The following EDNRB variants were observed in gnomAD, a reference collection of about 807,000 sequenced individuals.
EDNRB encodes endothelin receptor type B, also known as Hirschsprung disease 2.
EDNRB carries 18 observed loss-of-function variants against 46.4 expected under a neutral mutation model. That is an observed-to-expected ratio of 0.39 (90% confidence interval 0.27 to 0.57). The LOEUF (loss-of-function observed/expected upper bound fraction) is 0.57, where lower values mean the gene tolerates loss of function less well. EDNRB is among the 20% of genes least tolerant of loss of function. The pLI is 0.61. For missense variants in EDNRB, 434 were observed against 537.5 expected (o/e 0.81, Z 1.90); for synonymous variants, 213 against 204.9 (o/e 1.04, Z -0.34).
chr13:77,939,595 A>G (rs938372889), intron 1 of EDNRB: 2 of 152,238 alleles, frequency 1.3e-5, no homozygotes, highest in African/African-American at 4.8e-5. Flanking sequence ...CTTGCAAATT[A>G]AATGAGATAA....
At chr13:77,936,083 C>G (rs530217243) in intron 1 of EDNRB, among the ~76,000 whole-genome samples, 1 of 151,904 alleles carries the variant, frequency 6.6e-6, no homozygotes, top group Non-Finnish European at 1.5e-5. Flanking sequence ...TGGCATTGAG[C>G]GGGATAAGAG....
chr13:77,929,624 G>T (rs1439988931), intron 1 of EDNRB, among the ~76,000 whole-genome samples: 1 of 152,076 alleles, frequency 6.6e-6, no homozygotes, highest in Non-Finnish European at 1.5e-5. Flanking sequence ...GTACAAGGCG[G>T]GTGACTATTC....
intron 3 of EDNRB, 81 bp downstream of exon 3, chr13:77,903,075 C>T (rs1192235696): frequency 1.2e-5 from 17 of 1,452,268 alleles, no homozygotes; most frequent in Non-Finnish European, 1.4e-5. Flanking sequence ...AACAGTTTCC[C>T]AAGGAGTGGG....
At chr13:77,925,027 G>T (rs1180212195) in intron 1 of EDNRB, among the ~76,000 whole-genome samples, 1 of 152,144 alleles carries the variant, frequency 6.6e-6, no homozygotes, top group Non-Finnish European at 1.5e-5. Flanking sequence ...CCTGAAAACG[G>T]ACTAACACAA....
At chr13:77,933,710 T>C (rs1017508819) in intron 1 of EDNRB, among the ~76,000 whole-genome samples, 3 of 151,936 alleles carry the variant, frequency 2.0e-5, no homozygotes, top group African/African-American at 7.3e-5. Context: ...TTTTGGGAGA[T>C]GGTATGGAGA....
intron 1 of EDNRB, among the ~76,000 whole-genome samples, chr13:77,964,139 G>A (rs899157949): frequency 6.6e-6 from 1 of 152,202 alleles, no homozygotes; most frequent in Admixed American, 6.5e-5. Flanking sequence ...TGGAGAGGAT[G>A]TGGAGAAATA....
At position 77,903,197 on chromosome 13, in the gene EDNRB, T is replaced by G. The variant is rs750477425; in HGVS notation, c.760A>C (p.Ile254Leu). 2 of 1,612,866 alleles carry G rather than the reference T, an allele frequency of 1.2e-6. No individual in the cohort carries two copies. Among genetic ancestry groups the G allele is most frequent in the Non-Finnish European group, 1.7e-6 (2 of 1,179,252 alleles). The change falls in exon 3 of 7, where the codon ATC becomes CTC. Residue 254 changes from isoleucine (I) to leucine (L), a missense_variant. Physicochemically the swap from Ile to Leu is conservative, Grantham distance 5. Transcript: ENST00000646607. Reference protein sequence around the residue: ...TMDYKGSYLRICLLHPVQKTA... With the variant: ...TMDYKGSYLRLCLLHPVQKTA... ...TTCTGAACGGGATGAAGCAAGCAGATTCGCAGATAACTTCCTTTGTAGTCC... is the reference window on the plus strand; with the variant it reads ...TTCTGAACGGGATGAAGCAAGCAGAGTCGCAGATAACTTCCTTTGTAGTCC...
chr13:77,916,019 T>C (rs1879791038), intron 1 of EDNRB, among the ~76,000 whole-genome samples: 1 of 152,214 alleles, frequency 6.6e-6, no homozygotes, highest in Non-Finnish European at 1.5e-5. Flanking sequence ...AAGATGGTTC[T>C]GGAAGAGCTG....
rs34484665 is a variant in EDNRB at position 77,971,583 on chromosome 13, GTT to G, written c.-52+3762_-52+3763del. On this transcript the variant is annotated intron_variant, in intron 1 of 7. Transcript: ENST00000646948. The stretch of plus-strand genomic sequence containing the variant: ...AGCTCCAGGGCTGGGGCCAACATGA[GTT>G]TTTTTTTTTTTTTTTTAACTCATGG... Among the ~76,000 whole-genome samples the G allele has an allele frequency of 6.9e-3, 945 of 137,366 alleles. 1 individual carries two copies. The highest frequency in any genetic ancestry group is 0.013 in the African/African-American group (484 of 38,066). 90.1% of individuals were successfully genotyped at this position (137,366 alleles called of 152,430 possible).
intron 1 of EDNRB, among the ~76,000 whole-genome samples, chr13:77,968,940 C>A (rs79626288): frequency 0.063 from 9,658 of 152,192 alleles, 429 homozygotes; most frequent in South Asian, 0.12. Flanking sequence ...GACTAACTTT[C>A]GTCACCCTTC....
At chr13:77,922,763 T>G (rs1000993665), upstream of EDNRB, among the ~76,000 whole-genome samples, 1 of 152,200 alleles carries the variant, frequency 6.6e-6, no homozygotes, top group Non-Finnish European at 1.5e-5. Context: ...TACAGTGAAA[T>G]GGACAGGGCT....
chr13:77,898,458 C>T, intron 6 of EDNRB, 124 bp from the exon 7 acceptor site: 1 of 1,344,110 alleles, frequency 7.4e-7, no homozygotes, highest in Non-Finnish European at 1.0e-6. Context: ...TTTCAGTGCT[C>T]TTTTATTTTC....
chr13:77,947,856 T>C (rs1267039835), intron 1 of EDNRB: 1 of 150,224 alleles, frequency 6.7e-6, no homozygotes, highest in Non-Finnish European at 1.5e-5. Flanking sequence ...CCTCAAGCAA[T>C]CCTCCTGCCT....
intron 1 of EDNRB, among the ~76,000 whole-genome samples, chr13:77,905,024 T>C (rs1023840839): frequency 6.6e-6 from 1 of 151,976 alleles, no homozygotes; most frequent in African/African-American, 2.4e-5. Flanking sequence ...ACTTCATTTC[T>C]AAGTTAGATA....
intron 1 of EDNRB, among the ~76,000 whole-genome samples, chr13:77,962,393 G>A (rs1176466293): frequency 6.6e-6 from 1 of 152,128 alleles, no homozygotes; most frequent in Non-Finnish European, 1.5e-5. Flanking sequence ...TAAAATACTG[G>A]CAAAGCGAAT....
In EDNRB at chr13:77,896,486, G is replaced by A. The variant is rs1878630516; in HGVS notation, c.*1714C>T. 6.3e-7 allele frequency: 1 copy of A among 1,580,898 alleles called. No individual in the cohort carries two copies. Among genetic ancestry groups the A allele is most frequent in the Non-Finnish European group, 8.6e-7 (1 of 1,161,616 alleles). The stretch of plus-strand genomic sequence containing the variant: ...CTTTCTGGCCACATTGTTGGGTTTT[G>A]GTTTACTGTACCATCACATTCAATA... On this transcript the variant is annotated 3_prime_UTR_variant, in exon 7 of 7. Transcript: ENST00000646607.
intron 1 of EDNRB, among the ~76,000 whole-genome samples, chr13:77,961,301 A>G (rs902292135): frequency 1.3e-5 from 2 of 152,148 alleles, no homozygotes; most frequent in African/African-American, 2.4e-5. Context: ...AAGCAGACCT[A>G]ATAGACATCT....
intron 1 of EDNRB, among the ~76,000 whole-genome samples, chr13:77,905,583 A>T (rs1205288749): frequency 2.6e-5 from 4 of 151,920 alleles, no homozygotes; most frequent in Non-Finnish European, 5.9e-5. Flanking sequence ...CAGACAAAAA[A>T]CACATACATA....
intron 3 of EDNRB, 68 bp downstream of exon 3, chr13:77,903,088 A>C: frequency 6.5e-7 from 1 of 1,528,694 alleles, no homozygotes; most frequent in Non-Finnish European, 9.0e-7. Context: ...GGAGTGGGGA[A>C]CAGGGGAAAA....
Sources: gnomAD v4.1 joint callset for allele counts (sites outside exome capture counted in the v4.1 genomes callset) on GRCh38, gnomAD v4.1.1 for gene constraint, MANE v1.5 for transcripts, NCBI Gene and HGNC (gene_info 2026-07-23, HGNC 2026-07-21) for gene names.